The following ABHD2 variants were observed in gnomAD, a reference collection of about 807,000 sequenced individuals.
ABHD2 encodes the protein monoacylglycerol lipase ABHD2.
In ABHD2, 20 loss-of-function variants were observed where a neutral mutation model predicts 48.1. The ratio of observed to expected loss-of-function variants is 0.42; its 90% CI spans 0.29 to 0.60. ABHD2 has a LOEUF of 0.60. Ranked by LOEUF, ABHD2 falls within the 20% of genes least tolerant of loss-of-function variation. The pLI is 0.24. For synonymous variants in ABHD2, 209 were observed against 214.2 expected, an observed-to-expected ratio of 0.98 and a Z score of 0.21; for missense variants, 405 against 550.9, an observed-to-expected ratio of 0.74 and a Z score of 2.65.
At chr15:89,078,511 C>T in the ABHD2 span, among the ~76,000 whole-genome samples, 20 of 152,154 alleles carry the variant, frequency 1.3e-4, no homozygotes, top group South Asian at 1.7e-3. Flanking sequence ...TTACAAATGG[C>T]GCTATTATGA....
Position 89,170,480 on chromosome 15 carries a change from G to C in ABHD2, c.539-5332G>C, listed in dbSNP as rs539303983. On this transcript the variant is annotated intron_variant, in intron 5 of 10. Coordinates refer to ENST00000352732, the MANE Select transcript of ABHD2 (RefSeq NM_152924.5). ...AAATTTAGGTTGTTTCCAAACCTTT[G>C]CTGCTACAAACACCAAAATGCTGCA... Among the ~76,000 whole-genome samples the C allele has an allele frequency of 2.8e-3, 368 of 132,022 alleles. 2 individuals are homozygous for C. The highest frequency in any genetic ancestry group is 4.5e-3 in the Admixed American group (53 of 11,718). The allele number at this position is 132,022 out of a possible 152,430, so 86.6% of individuals were successfully genotyped here.
At chr15:89,095,390 A>T in intron 1 of ABHD2, among the ~76,000 whole-genome samples, 1 of 152,198 alleles carries the variant, frequency 6.6e-6, no homozygotes, top group East Asian at 1.9e-4. Context: ...CACAATGTTG[A>T]TATGCAATTG....
At chr15:89,067,158 CA>C in the ABHD2 span, among the ~76,000 whole-genome samples, 51 of 152,278 alleles carry the variant, frequency 3.3e-4, no homozygotes, top group East Asian at 2.9e-3. Context: ...AAAGTGGGAT[CA>C]GGGGGCCAAT....
chr15:89,142,592 A>G (rs1462575895), intron 3 of ABHD2, among the ~76,000 whole-genome samples: 1 of 152,184 alleles, frequency 6.6e-6, no homozygotes, highest in Non-Finnish European at 1.5e-5. Flanking sequence ...TAATCTGTGA[A>G]ATCATGAGCC....
chr15:89,201,890 T>G lies in ABHD2; in HGVS notation c.*6467T>G. The G allele has an allele frequency of 1.5e-6, 1 of 658,496 alleles. No individual in the cohort carries two copies. Among genetic ancestry groups the G allele is most frequent in the Admixed American group, 2.6e-5 (1 of 38,000 alleles). 40.8% of individuals were successfully genotyped at this position (658,496 alleles called of 1,614,324 possible). Reference sequence around the variant, plus strand: ...GGGAGGGGGAGCGAGTTCGCATCTCTCCTTTTCCTGGTTAGACTCTGTTCA... The same window carrying G: ...GGGAGGGGGAGCGAGTTCGCATCTCGCCTTTTCCTGGTTAGACTCTGTTCA... On this transcript the variant is annotated 3_prime_UTR_variant, in exon 11 of 11. Coordinates refer to ENST00000352732, the MANE Select transcript of ABHD2 (RefSeq NM_152924.5).
chr15:89,099,478 T>C (rs1171596408), intron 1 of ABHD2, among the ~76,000 whole-genome samples: 1 of 152,090 alleles, frequency 6.6e-6, no homozygotes, highest in Non-Finnish European at 1.5e-5. Flanking sequence ...CCAAGTGTGG[T>C]GGCACATACC....
rs943102817 is a variant in ABHD2, at chr15:89,162,139, G to A, written c.538+6605G>A. Among the ~76,000 whole-genome samples the A allele has an allele frequency of 2.0e-5, 3 of 152,106 alleles. No individual in the cohort carries two copies. The South Asian group carries it at 6.2e-4, about 32-fold the overall frequency. ...AAATATAGTCACATTCTGAGGTACC[G>A]GGGGTTACGAGTTCAGCATATGAAT... On this transcript the variant is annotated intron_variant, in intron 5 of 10. Coordinates refer to ENST00000352732, the MANE Select transcript of ABHD2 (RefSeq NM_152924.5).
At chr15:89,073,753 T>A in the ABHD2 span, among the ~76,000 whole-genome samples, 1,748 of 151,104 alleles carry the variant, frequency 0.012, 41 homozygotes, top group African/African-American at 0.041. Flanking sequence ...ATTTCTAATA[T>A]CATGATATCG....
rs1013177345 is a variant in ABHD2 at position 89,182,584 on chromosome 15, T to C, written c.723-2840T>C. The stretch of plus-strand genomic sequence containing the variant: ...CCTAGAGATCACTTGAGGTCAGGAG[T>C]TCTAGACCACCCTGGCCAACATGAC... On this transcript the variant is annotated intron_variant, in intron 6 of 10. Coordinates refer to ENST00000352732, the MANE Select transcript of ABHD2 (RefSeq NM_152924.5). The surrounding 1 kb of genome is among the most constrained non-coding windows in gnomAD (Gnocchi z 4.8). Among the ~76,000 whole-genome samples, 1 of 151,994 alleles carries C rather than the reference T, an allele frequency of 6.6e-6. No homozygotes were observed. The highest frequency in any genetic ancestry group is 1.5e-5 in the Non-Finnish European group (1 of 67,968).
rs770265352 is a variant in ABHD2 at position 89,151,705 on chromosome 15, A to C, written c.223A>C (p.Ser75Arg). Residue 75 changes from serine to arginine, a missense_variant, in exon 4 of 11, where the codon AGT becomes CGT. By Grantham distance (110) the Ser-to-Arg change is moderately radical. Coordinates refer to ENST00000352732, the MANE Select transcript of ABHD2 (RefSeq NM_152924.5). The surrounding 1 kb of genome is among the most constrained non-coding windows in gnomAD (Gnocchi z 4.7). ...CATTCCACCGTTGATCTGGGGGAAA[A>C]GTGGACACATCCAGACAGCCTTGTA... ...EYIPPLIWGK[S>R]GHIQTALYGK... is the part of the protein sequence containing the mutation. 3.7e-6 allele frequency: 6 copies of C among 1,614,038 alleles called. No individual in the cohort carries two copies. The highest frequency in any genetic ancestry group is 5.1e-6 in the Non-Finnish European group (6 of 1,180,014).
chr15:89,180,688 C>T (rs895969476), intron 6 of ABHD2, among the ~76,000 whole-genome samples: 2 of 152,282 alleles, frequency 1.3e-5, no homozygotes, highest in Middle Eastern at 3.4e-3. Flanking sequence ...AGGCAGGAGC[C>T]CTGTCTTGGG....
chr15:89,057,796 C>A, the ABHD2 span, among the ~76,000 whole-genome samples: 1 of 151,938 alleles, frequency 6.6e-6, no homozygotes, highest in Non-Finnish European at 1.5e-5. Flanking sequence ...AAGAAACAAA[C>A]CTGCCAGAAC....
the ABHD2 span, among the ~76,000 whole-genome samples, chr15:89,051,093 C>T: frequency 5.2e-3 from 787 of 152,178 alleles, 6 homozygotes; most frequent in African/African-American, 0.017. Flanking sequence ...ATTAGCTGGG[C>T]GTGGTGGTGC....
In ABHD2 at chr15:89,188,661, G is replaced by T. The variant is rs1339307376; in HGVS notation, c.926+358G>T. On this transcript the variant is annotated intron_variant, in intron 8 of 10. Transcript: ENST00000352732. The surrounding 1 kb of genome is among the most constrained non-coding windows in gnomAD (Gnocchi z 4.1). ...CAGGTGCCACATAAATCTGCATTTC[G>T]CAGTGGAGTAAAAGGCAAAAGAAAT... Among the ~76,000 whole-genome samples, 5 of 152,126 alleles carry T rather than the reference G, an allele frequency of 3.3e-5. No homozygotes were observed. Among genetic ancestry groups the T allele is most frequent in the Admixed American group, 6.5e-5 (1 of 15,270 alleles).
At chr15:89,071,528 G>C in the ABHD2 span, among the ~76,000 whole-genome samples, 13 of 152,220 alleles carry the variant, frequency 8.5e-5, no homozygotes, top group African/African-American at 3.1e-4. Flanking sequence ...CAAACAGCAT[G>C]CAGTTTATAC....
intron 3 of ABHD2, chr15:89,135,411 A>C: frequency 1.7e-6 from 1 of 599,298 alleles, no homozygotes; most frequent in Non-Finnish European, 3.0e-6. Context: ...CTATACAAAA[A>C]AAAAAAGACA....
intron 1 of ABHD2, among the ~76,000 whole-genome samples, chr15:89,105,614 G>A (rs1225027713): frequency 6.6e-6 from 1 of 152,264 alleles, no homozygotes; most frequent in African/African-American, 2.4e-5. Flanking sequence ...TAAATTGTGT[G>A]TGACTTGATG....
At chr15:89,072,057 C>T in the ABHD2 span, among the ~76,000 whole-genome samples, 2 of 152,212 alleles carry the variant, frequency 1.3e-5, no homozygotes, top group African/African-American at 4.8e-5. Context: ...AGAGTCATGT[C>T]ACACTTTTAT....
chr15:89,105,551 A>G (rs991005592), intron 1 of ABHD2, among the ~76,000 whole-genome samples: 2 of 152,384 alleles, frequency 1.3e-5, no homozygotes, highest in African/African-American at 4.8e-5. Context: ...ACAAAGGGCA[A>G]CCTTGCCGTA....
Sources: allele counts gnomAD v4.1 joint callset (sites outside exome capture counted in the v4.1 genomes callset), GRCh38; gene constraint gnomAD v4.1.1; non-coding constraint Gnocchi (gnomAD v3.1); transcripts MANE v1.5; gene names NCBI Gene and HGNC (gene_info 2026-07-23, HGNC 2026-07-21).